Variants in HEXD observed in about 807,000 individuals in gnomAD.
HEXD encodes the protein N-acetyl-beta-galactosaminidase.
A neutral mutation model predicts 54.2 loss-of-function variants in HEXD; 47 were observed. The ratio of observed to expected loss-of-function variants is 0.87; its 90% CI spans 0.69 to 1.11. The LOEUF (loss-of-function observed/expected upper bound fraction) is 1.11. Ranked by LOEUF, HEXD falls within the 50% of genes least tolerant of loss-of-function variation. The pLI is 0.00. For missense variants in HEXD, 576 were observed against 649.2 expected, an observed-to-expected ratio of 0.89 and a Z score of 1.23; for synonymous variants, 293 against 287.6, an observed-to-expected ratio of 1.02 and a Z score of -0.19.
At chr17:82,431,206 G>A (rs1195354372) in intron 4 of HEXD, among the ~76,000 whole-genome samples, 1 of 151,636 alleles carries the variant, frequency 6.6e-6, no homozygotes, top group African/African-American at 2.4e-5. Flanking sequence ...GTCCCACTAT[G>A]TTGCCCAGAC....
chr17:82,425,182 GAGGCCGGAGA>G (rs2053373707), intron 3 of HEXD, among the ~76,000 whole-genome samples: 1 of 140,708 alleles, frequency 7.1e-6, no homozygotes, highest in South Asian at 2.4e-4. Flanking sequence ...GAGGCTGGAG[GAGGCCGGAGA>G]AGGCTGGAGG....
rs756614958 is a variant in HEXD, at chr17:82,441,054, T to C, written c.1040T>C (p.Leu347Pro). 1.2e-6 allele frequency: 2 copies of C among 1,613,590 alleles called. No individual in the cohort carries two copies. The highest frequency in any genetic ancestry group is 1.6e-4 in the Middle Eastern group (1 of 6,062). The part of the protein sequence containing the change: ...KVENLLGISS[L>P]EKTDPVREGA... ...GAGAACCTTCTCGGGATTTCCAGCC[T>C]GGAAAAAACGGACCCTGTTAGGCAA... Residue 347 changes from leucine to proline, a missense_variant, in exon 10 of 13, where the codon CTG (leucine) becomes CCG (proline). By Grantham distance (98) the Leu-to-Pro change is moderately conservative. Transcript: ENST00000327949.
At chr17:82,436,042 C>T (rs1350168487) in intron 6 of HEXD, among the ~76,000 whole-genome samples, 170 bp downstream of exon 6, 1 of 152,234 alleles carries the variant, frequency 6.6e-6, no homozygotes, top group Non-Finnish European at 1.5e-5. Flanking sequence ...AGTCGTTTCC[C>T]TAGAAGCTGT....
chr17:82,418,350 C>G lies in HEXD; in HGVS notation c.-442C>G. 9.4e-7 allele frequency: 1 copy of G among 1,061,398 alleles called. No individual in the cohort carries two copies. Among genetic ancestry groups the G allele is most frequent in the Non-Finnish European group, 1.3e-6 (1 of 755,738 alleles). The allele number at this position is 1,061,398 out of a possible 1,614,324, so 65.7% of individuals were successfully genotyped here. A position where few individuals can be genotyped will look rare whatever the true frequency, so the allele number is the denominator to read the frequency against. On this transcript the variant is annotated 5_prime_UTR_variant, in exon 1 of 13. Transcript: ENST00000327949. ...CAGGCCCCGCCCCATCAGCCCCAGTCCCGCCCACTCCATGGCCCTGTCCGC... is the reference window on the plus strand; with the variant it reads ...CAGGCCCCGCCCCATCAGCCCCAGTGCCGCCCACTCCATGGCCCTGTCCGC...
rs373477969 is a variant in HEXD, at chr17:82,437,280, C to T, written c.816C>T (p.Leu272=). 17 of 1,612,362 alleles carry T rather than the reference C, an allele frequency of 1.1e-5. No homozygotes were observed. The African/African-American group carries it at 1.7e-4, about 16-fold the overall frequency. The change falls in exon 8 of 13, where the codon CTC becomes CTT. Residue 272 remains leucine, a synonymous_variant. Transcript: ENST00000327949. ...SQAVPPVEHH[L]RNHVQWLQVA... is the part of the protein sequence containing the mutation. ...CCGTGCCCCCTGTTGAGCACCACCT[C>T]AGGAACCACGTGCAGTGGCTGCAGG...
At chr17:82,440,047 A>G (rs543732335) in intron 9 of HEXD, 4 of 1,313,446 alleles carry the variant, frequency 3.0e-6, no homozygotes, top group East Asian at 4.6e-5. Context: ...CACCTGGCCG[A>G]GCAGGTGTGG....
At chr17:82,436,528 C>T in intron 6 of HEXD, 139 bp from the exon 7 acceptor site, 1 of 677,984 alleles carries the variant, frequency 1.5e-6, no homozygotes. Flanking sequence ...CATTCATTGT[C>T]AAAACCCAGC....
At chr17:82,429,585 G>A (rs2053520025) in intron 4 of HEXD, among the ~76,000 whole-genome samples, 1 of 152,072 alleles carries the variant, frequency 6.6e-6, no homozygotes, top group African/African-American at 2.4e-5. Context: ...CTCTGCCAAG[G>A]CCGCCAGGGT....
chr17:82,423,619 C>G (rs1348584614), intron 2 of HEXD: 1 of 152,210 alleles, frequency 6.6e-6, no homozygotes, highest in Non-Finnish European at 1.5e-5. Context: ...TCGAGACCAG[C>G]CTGGCCAACA....
At chr17:82,430,067 CTG>C (rs900690886) in intron 4 of HEXD, among the ~76,000 whole-genome samples, 40 of 152,322 alleles carry the variant, frequency 2.6e-4, no homozygotes, top group African/African-American at 8.7e-4. Context: ...TCCTCTTCCT[CTG>C]TCATGCAGGC....
At chr17:82,430,411 CAG>C (rs1252765934) in intron 4 of HEXD, among the ~76,000 whole-genome samples, 1 of 152,180 alleles carries the variant, frequency 6.6e-6, no homozygotes, top group Non-Finnish European at 1.5e-5. Flanking sequence ...GTTTTTGAGA[CAG>C]GGTCTCACTC....
In HEXD at chr17:82,435,804, G is replaced by T; in HGVS notation, c.563G>T (p.Arg188Leu). 6.2e-7 allele frequency: 1 copy of T among 1,612,694 alleles called. No homozygotes were observed. Among genetic ancestry groups the T allele is most frequent in the Non-Finnish European group, 8.5e-7 (1 of 1,179,858 alleles). ...GCGGTGGCCAGCGGCGTGAAGGCCC[G>T]GCGCCCCAGCGTGACACCCCTGGTG... Reference protein sequence around the residue: ...MRAVASGVKARRPSVTPLVWD... With the variant: ...MRAVASGVKALRPSVTPLVWD... Residue 188 changes from arginine to leucine, a missense_variant, in exon 6 of 13, where the codon CGG (arginine) becomes CTG (leucine). Coordinates refer to ENST00000327949, the MANE Select transcript of HEXD (RefSeq NM_001330542.2).
chr17:82,439,955 CCT>C, intron 9 of HEXD: 1 of 1,498,492 alleles, frequency 6.7e-7, no homozygotes, highest in Non-Finnish European at 8.9e-7. Context: ...GGGAGGCACC[CCT>C]CAGACACAGT....
intron 8 of HEXD, among the ~76,000 whole-genome samples, chr17:82,438,928 C>T (rs2053849822): frequency 6.6e-6 from 1 of 152,274 alleles, no homozygotes; most frequent in Non-Finnish European, 1.5e-5. Context: ...AGAGCAGCGG[C>T]GCATCCTTCA....
chr17:82,433,408 A>G (rs2053668338), intron 4 of HEXD, among the ~76,000 whole-genome samples: 1 of 151,922 alleles, frequency 6.6e-6, no homozygotes, highest in Admixed American at 6.6e-5. Context: ...GTGCCACTGC[A>G]CTCCAGCCTG....
chr17:82,424,793 G>GT (rs1326465552), intron 3 of HEXD, among the ~76,000 whole-genome samples: 4 of 152,250 alleles, frequency 2.6e-5, no homozygotes, highest in East Asian at 1.9e-4. Context: ...TCCTGCAGGC[G>GT]TTTCTTCTGT....
Position 82,433,757 on chromosome 17 carries a change from G to A in HEXD, c.382G>A (p.Ala128Thr), listed in dbSNP as rs566441417. 83 of 1,613,026 alleles carry A rather than the reference G, an allele frequency of 5.1e-5. No homozygotes were observed. The highest frequency in any genetic ancestry group is 2.2e-4 in the East Asian group (10 of 44,814). The change falls in exon 5 of 13, where the codon GCC becomes ACC. Residue 128 changes from alanine (A) to threonine (T), a missense_variant. Coordinates refer to ENST00000327949, the MANE Select transcript of HEXD (RefSeq NM_001330542.2). ...HEAESLALVG[A>T]MIDQVLELHP... ...GGCAGAGTCCCTGGCGCTGGTGGGC[G>A]CCATGATTGACCAGGTCCTGGAGCT...
chr17:82,439,503 T>A, intron 8 of HEXD, 128 bp from the exon 9 acceptor site: 1 of 1,450,108 alleles, frequency 6.9e-7, no homozygotes, highest in Non-Finnish European at 9.0e-7. Flanking sequence ...GTTGAGGGGG[T>A]CGGGCTGCCC....
intron 2 of HEXD, chr17:82,420,383 G>A (rs756769387): frequency 6.6e-6 from 1 of 152,396 alleles, no homozygotes; most frequent in Non-Finnish European, 1.5e-5. Flanking sequence ...CAGCCAAGAT[G>A]GTCATGACGT....
Sources: allele counts gnomAD v4.1 joint callset (sites outside exome capture counted in the v4.1 genomes callset), GRCh38; gene constraint gnomAD v4.1.1; transcripts MANE v1.5; gene names NCBI Gene and HGNC (gene_info 2026-07-23, HGNC 2026-07-21).